ZNF429: variants seen among roughly 807,000 people sequenced by gnomAD.
ZNF429 encodes zinc finger protein 429.
In ZNF429, 53 loss-of-function variants were observed where a neutral mutation model predicts 56.8. The ratio of observed to expected loss-of-function variants is 0.93; its 90% CI spans 0.75 to 1.17. The LOEUF (loss-of-function observed/expected upper bound fraction) is 1.17, where lower values mean the gene tolerates loss of function less well. ZNF429 is among the 50% of genes most tolerant of loss of function. The pLI is 0.00. For synonymous variants in ZNF429, 278 were observed against 264.7 expected, an observed-to-expected ratio of 1.05 and a Z score of -0.49; for missense variants, 849 against 788.4, an observed-to-expected ratio of 1.08 and a Z score of -0.92.
At chr19:21,531,106 C>CAAAAAAAAAAACAAAACAAAAAAAAAA in intron 3 of ZNF429, among the ~76,000 whole-genome samples, 7 of 17,550 alleles carry the variant, frequency 4.0e-4, no homozygotes, top group African/African-American at 2.1e-3. Context: ...AACTCCATCT[C>CAAAAAAAAAAACAAAACAAAAAAAAAA]AAAAAAAAAA....
chr19:21,511,161 G>A (rs968348575), intron 1 of ZNF429, among the ~76,000 whole-genome samples: 4 of 151,884 alleles, frequency 2.6e-5, no homozygotes, highest in African/African-American at 9.7e-5. Flanking sequence ...GGGCGGCCAG[G>A]CAGAGGAGTC....
rs373699970 is a variant in ZNF429 at position 21,537,478 on chromosome 19, T to C, written c.1425T>C (p.His475=). The change falls in exon 4 of 4, where the codon CAT becomes CAC. Residue 475 remains histidine (H), a synonymous_variant. Transcript: ENST00000358491. ...SSHLTSHRRI[H]TGEKPYKCEE... Reference sequence around the variant, plus strand: ...ACCTTACTAGCCATAGGAGAATTCATACTGGAGAGAAACCCTACAAATGTG... The same window carrying C: ...ACCTTACTAGCCATAGGAGAATTCACACTGGAGAGAAACCCTACAAATGTG... 1.2e-5 allele frequency: 19 copies of C among 1,613,884 alleles called. No homozygotes were observed. Among genetic ancestry groups the C allele is most frequent in the Non-Finnish European group, 1.6e-5 (19 of 1,180,020 alleles).
chr19:21,539,485 A>T lies in ZNF429; in HGVS notation c.*1407A>T, dbSNP rs10406870. On this transcript the variant is annotated 3_prime_UTR_variant, in exon 4 of 4. Coordinates refer to ENST00000358491, the MANE Select transcript of ZNF429 (RefSeq NM_001001415.4). The stretch of plus-strand genomic sequence containing the variant: ...TGCCTACGTTGGAGTTCAGTGGCAC[A>T]ATTTCAGCTTGCTGCCAACTTCGAC... Among the ~76,000 whole-genome samples the T allele has an allele frequency of 6.6e-6, 1 of 151,926 alleles. No homozygotes were observed. The highest frequency in any genetic ancestry group is 2.4e-5 in the African/African-American group (1 of 41,362).
At chr19:21,515,548 C>CT (rs1333217225) in intron 1 of ZNF429, among the ~76,000 whole-genome samples, 1 of 151,762 alleles carries the variant, frequency 6.6e-6, no homozygotes, top group Admixed American at 6.6e-5. Flanking sequence ...TCTGTTTACT[C>CT]TGATTTTTTT....
intron 2 of ZNF429, 42 bp downstream of exon 2, chr19:21,529,826 T>A: frequency 7.9e-7 from 1 of 1,264,442 alleles, no homozygotes; most frequent in Non-Finnish European, 1.1e-6. Flanking sequence ...ATACCCTAAA[T>A]GTTTCATTTC....
chr19:21,505,790 C>CT lies in ZNF429; in HGVS notation c.3+17dup, dbSNP rs2032107595. 1 of 1,611,544 alleles carries CT rather than the reference C, an allele frequency of 6.2e-7. No homozygotes were observed. Among genetic ancestry groups the CT allele is most frequent in the South Asian group, 1.1e-5 (1 of 91,034 alleles). On this transcript the variant is annotated intron_variant, in intron 1 of 3. Coordinates refer to ENST00000358491, the MANE Select transcript of ZNF429 (RefSeq NM_001001415.4). Reference sequence around the variant, plus strand: ...CCTAGAAATGGTGAGAGTGCCGAGTCTGACATCCCCAGAGAGGGGGAGGGG... The same window carrying CT: ...CCTAGAAATGGTGAGAGTGCCGAGTCTTGACATCCCCAGAGAGGGGGAGGGG...
At chr19:21,515,412 T>G (rs2032694314) in intron 1 of ZNF429, among the ~76,000 whole-genome samples, 1 of 152,090 alleles carries the variant, frequency 6.6e-6, no homozygotes, top group African/African-American at 2.4e-5. Context: ...TCTATTCATG[T>G]TTTTTGCCTA....
intron 1 of ZNF429, among the ~76,000 whole-genome samples, chr19:21,522,657 GA>G (rs2033023402): frequency 6.6e-6 from 1 of 152,158 alleles, no homozygotes; most frequent in Non-Finnish European, 1.5e-5. Flanking sequence ...AGCACTTTGG[GA>G]GGCCAAGATG....
At chr19:21,507,562 T>G (rs2032239223) in intron 1 of ZNF429, 1 of 152,394 alleles carries the variant, frequency 6.6e-6, no homozygotes, top group Admixed American at 6.5e-5. Context: ...AAGGTTTTTC[T>G]TGGAATTTTT....
intron 3 of ZNF429, among the ~76,000 whole-genome samples, chr19:21,533,495 T>A: frequency 6.6e-6 from 1 of 152,136 alleles, no homozygotes; most frequent in East Asian, 1.9e-4. Flanking sequence ...TTTAATGTTG[T>A]ATCTAAGAAA....
chr19:21,514,507 A>T (rs1307463127), intron 1 of ZNF429, among the ~76,000 whole-genome samples: 1 of 151,268 alleles, frequency 6.6e-6, no homozygotes, highest in East Asian at 1.9e-4. Flanking sequence ...AAAGGACATG[A>T]TCTTGTTCTT....
intron 1 of ZNF429, among the ~76,000 whole-genome samples, chr19:21,519,300 G>A (rs2032897967): frequency 6.6e-6 from 1 of 152,156 alleles, no homozygotes; most frequent in African/African-American, 2.4e-5. Context: ...TCAACATAGG[G>A]AGAAGAGAAA....
intron 1 of ZNF429, among the ~76,000 whole-genome samples, chr19:21,516,999 G>A (rs1048831673): frequency 3.9e-5 from 6 of 152,196 alleles, no homozygotes; most frequent in African/African-American, 1.4e-4. Context: ...AGTAGTGAGA[G>A]AAGTCATCCT....
intron 1 of ZNF429, among the ~76,000 whole-genome samples, chr19:21,511,415 G>T (rs894140737): frequency 6.6e-6 from 1 of 152,018 alleles, no homozygotes. Context: ...CGGCCGGGCA[G>T]AGGCGCTCCT....
intron 3 of ZNF429, among the ~76,000 whole-genome samples, chr19:21,532,922 T>C: frequency 6.6e-6 from 1 of 152,106 alleles, no homozygotes; most frequent in Non-Finnish European, 1.5e-5. Context: ...GGTCTTGAAC[T>C]CCTGACAGGT....
At chr19:21,533,382 A>T in intron 3 of ZNF429, among the ~76,000 whole-genome samples, 1 of 151,982 alleles carries the variant, frequency 6.6e-6, no homozygotes, top group Non-Finnish European at 1.5e-5. Flanking sequence ...ATACATTTTC[A>T]TCCATTTCCT....
chr19:21,527,401 A>G (rs1254058053), intron 1 of ZNF429, among the ~76,000 whole-genome samples: 1 of 152,196 alleles, frequency 6.6e-6, no homozygotes, highest in Non-Finnish European at 1.5e-5. Context: ...TTCTGCATAG[A>G]AGCATCCATG....
rs1355407769 is a variant in ZNF429, at chr19:21,538,817, T to C, written c.*739T>C. Among the ~76,000 whole-genome samples the C allele has an allele frequency of 6.6e-6, 1 of 152,192 alleles. No individual in the cohort carries two copies. Among genetic ancestry groups the C allele is most frequent in the Non-Finnish European group, 1.5e-5 (1 of 68,030 alleles). ...AGAGAGTTGATACTTAATAAGAGCA[T>C]TGTAAGTGCAATTACTGTCAAACAA... On this transcript the variant is annotated 3_prime_UTR_variant, in exon 4 of 4. Transcript: ENST00000358491.
At chr19:21,516,466 A>G (rs967581001) in intron 1 of ZNF429, among the ~76,000 whole-genome samples, 4 of 151,974 alleles carry the variant, frequency 2.6e-5, no homozygotes, top group Non-Finnish European at 5.9e-5. Flanking sequence ...AACAGTTTTT[A>G]GTTGTGTTAA....
Sources: gnomAD v4.1 joint callset for allele counts (sites outside exome capture counted in the v4.1 genomes callset) on GRCh38, gnomAD v4.1.1 for gene constraint, MANE v1.5 for transcripts, NCBI Gene and HGNC (gene_info 2026-07-23, HGNC 2026-07-21) for gene names.